TGFB2: variants seen among roughly 807,000 people sequenced by gnomAD.
TGFB2 encodes the protein transforming growth factor beta 2.
A neutral mutation model predicts 42.7 loss-of-function variants in TGFB2; 13 were observed. The ratio of observed to expected loss-of-function variants is 0.30; its 90% CI spans 0.20 to 0.48. TGFB2 has a LOEUF of 0.48. Among genes scored for constraint, TGFB2 ranks in the 20% least tolerant of loss-of-function variants. TGFB2 has a pLI of 0.99. For missense variants in TGFB2, 390 were observed against 517.5 expected (o/e 0.75, Z 2.39); for synonymous variants, 193 against 193.6 (o/e 1.00, Z 0.03).
At chr1:218,440,738 G>A (rs1660125162) in intron 6 of TGFB2, among the ~76,000 whole-genome samples, 1 of 152,218 alleles carries the variant, frequency 6.6e-6, no homozygotes, top group Non-Finnish European at 1.5e-5. Flanking sequence ...AGCAAAGTCT[G>A]TAGAGTTCCT....
intron 1 of TGFB2, among the ~76,000 whole-genome samples, chr1:218,392,290 T>A (rs560666434): frequency 4.1e-4 from 62 of 152,152 alleles, no homozygotes; most frequent in Middle Eastern, 3.4e-3. Flanking sequence ...GAGGCGGAGC[T>A]TGCAGTGAGC....
At chr1:218,397,582 A>T (rs1013315054) in intron 1 of TGFB2, among the ~76,000 whole-genome samples, 1 of 149,810 alleles carries the variant, frequency 6.7e-6, no homozygotes, top group Non-Finnish European at 1.5e-5. Context: ...AAAAAAAAAA[A>T]GTTTAGGTGC....
chr1:218,380,270 C>T (rs895197828), intron 1 of TGFB2, among the ~76,000 whole-genome samples: 8 of 152,126 alleles, frequency 5.3e-5, no homozygotes, highest in Non-Finnish European at 1.2e-4. Context: ...TGAAAATGGC[C>T]TAGGTTTGTG....
intron 1 of TGFB2, among the ~76,000 whole-genome samples, chr1:218,362,750 T>A (rs923929165): frequency 6.6e-6 from 1 of 152,218 alleles, no homozygotes; most frequent in Non-Finnish European, 1.5e-5. Flanking sequence ...ATTTTCCAGA[T>A]GTAATAACTA....
At chr1:218,364,142 T>C (rs1406097393) in intron 1 of TGFB2, among the ~76,000 whole-genome samples, 3 of 152,218 alleles carry the variant, frequency 2.0e-5, no homozygotes, top group African/African-American at 7.2e-5. Flanking sequence ...CGGGGAGTTA[T>C]GCTGCTGATT....
chr1:218,362,944 A>G (rs1158349252), intron 1 of TGFB2, among the ~76,000 whole-genome samples: 1 of 152,242 alleles, frequency 6.6e-6, no homozygotes, highest in Non-Finnish European at 1.5e-5. Flanking sequence ...ATGAAAACCA[A>G]AGTTTTATTC....
Position 218,405,191 on chromosome 1 carries a change from C to T in TGFB2, c.369C>T (p.Tyr123=), listed in dbSNP as rs368157039. 1.0e-5 allele frequency: 16 copies of T among 1,601,668 alleles called. No individual in the cohort carries two copies. The highest frequency in any genetic ancestry group is 1.4e-5 in the Non-Finnish European group (16 of 1,171,046). The change falls in exon 2 of 7, where the codon TAC becomes TAT. Residue 123 remains tyrosine (Y), a synonymous_variant. Coordinates refer to ENST00000366930, the MANE Select transcript of TGFB2 (RefSeq NM_003238.6). ...CAGATGCCATCCCGCCCACTTTCTA[C>T]AGACCCTACTTCAGAATTGTTCGAT... ...PSENAIPPTF[Y]RPYFRIVRFD...
chr1:218,397,862 G>A (rs149195159), intron 1 of TGFB2, among the ~76,000 whole-genome samples: 6 of 152,288 alleles, frequency 3.9e-5, no homozygotes, highest in African/African-American at 1.4e-4. Context: ...GAGTACCTCA[G>A]GCAGGAGGAT....
intron 4 of TGFB2, 76 bp from the exon 5 acceptor site, chr1:218,435,894 A>G (rs1435753833): frequency 6.8e-7 from 1 of 1,464,954 alleles, no homozygotes; most frequent in African/African-American, 1.4e-5. Context: ...GACAATATAC[A>G]AAGGAAAAAA....
In TGFB2 at chr1:218,434,231, T is replaced by C; in HGVS notation, c.643+17T>C. 6.2e-7 allele frequency: 1 copy of C among 1,613,100 alleles called. No homozygotes were observed. Among genetic ancestry groups the C allele is most frequent in the Non-Finnish European group, 8.5e-7 (1 of 1,179,104 alleles). On this transcript the variant is annotated intron_variant, in intron 3 of 6. Coordinates refer to ENST00000366930, the MANE Select transcript of TGFB2 (RefSeq NM_003238.6). ...ACCATAAAGGTTACAAGCCACTCTC[T>C]CTTTTCCTCCCAAGATGTTCAGTAT...
chr1:218,378,778 T>C (rs1416238225), intron 1 of TGFB2, among the ~76,000 whole-genome samples: 2 of 150,682 alleles, frequency 1.3e-5, no homozygotes, highest in East Asian at 3.9e-4. Context: ...GGCCTGTTTT[T>C]TTTTTCTTAT....
chr1:218,431,492 A>G (rs1222699368), intron 2 of TGFB2, among the ~76,000 whole-genome samples: 1 of 152,194 alleles, frequency 6.6e-6, no homozygotes, highest in Non-Finnish European at 1.5e-5. Flanking sequence ...ATATATATAC[A>G]CACATATATA....
chr1:218,384,003 T>G (rs1263161017), intron 1 of TGFB2, among the ~76,000 whole-genome samples: 1 of 152,254 alleles, frequency 6.6e-6, no homozygotes, highest in Non-Finnish European at 1.5e-5. Flanking sequence ...ATTTTGTGGT[T>G]GTTTTAACAG....
At chr1:218,365,912 G>A (rs978027208) in intron 1 of TGFB2, among the ~76,000 whole-genome samples, 3 of 152,154 alleles carry the variant, frequency 2.0e-5, no homozygotes, top group African/African-American at 7.2e-5. Context: ...GGCCTGTGGC[G>A]CCTCTTGCTT....
intron 1 of TGFB2, among the ~76,000 whole-genome samples, chr1:218,371,597 T>C (rs1377976638): frequency 6.6e-6 from 1 of 152,220 alleles, no homozygotes; most frequent in East Asian, 1.9e-4. Context: ...ATGGAGTTTA[T>C]GTATGTCCGG....
At chr1:218,363,883 T>A (rs1332374192) in intron 1 of TGFB2, among the ~76,000 whole-genome samples, 2 of 152,220 alleles carry the variant, frequency 1.3e-5, no homozygotes, top group East Asian at 3.8e-4. Context: ...TTCTCTCCTT[T>A]AAGGTTCTAG....
intron 1 of TGFB2, among the ~76,000 whole-genome samples, chr1:218,387,921 A>C (rs1274948114): frequency 6.6e-6 from 1 of 152,184 alleles, no homozygotes; most frequent in Non-Finnish European, 1.5e-5. Context: ...CATGCCATGA[A>C]GTTCATGTCT....
Position 218,346,550 on chromosome 1 carries a change from G to T in TGFB2, c.-152G>T, listed in dbSNP as rs943664842. 3.7e-5 allele frequency: 23 copies of T among 615,338 alleles called. No individual in the cohort carries two copies. The highest frequency in any genetic ancestry group is 6.2e-5 in the Non-Finnish European group (23 of 369,870). The allele number at this position is 615,338 out of a possible 1,614,324, so 38.1% of individuals were successfully genotyped here. A position where few individuals can be genotyped will look rare whatever the true frequency, so the allele number is the denominator to read the frequency against. ...TCAAGCAGGATACGTTTTTCTGTTGGGCATTGACTAGATTGTTTGCAAAAG... is the reference window on the plus strand; with the variant it reads ...TCAAGCAGGATACGTTTTTCTGTTGTGCATTGACTAGATTGTTTGCAAAAG... On this transcript the variant is annotated 5_prime_UTR_variant, in exon 1 of 7. Coordinates refer to ENST00000366930, the MANE Select transcript of TGFB2 (RefSeq NM_003238.6). The surrounding 1 kb of genome is among the most constrained non-coding windows in gnomAD (Gnocchi z 4.9).
At chr1:218,408,473 C>T (rs913897423) in intron 2 of TGFB2, among the ~76,000 whole-genome samples, 3 of 152,086 alleles carry the variant, frequency 2.0e-5, no homozygotes, top group Non-Finnish European at 4.4e-5. Context: ...TCACTATACA[C>T]GGGCATCTGG....
Sources: allele counts gnomAD v4.1 joint callset (sites outside exome capture counted in the v4.1 genomes callset), GRCh38; gene constraint gnomAD v4.1.1; non-coding constraint Gnocchi (gnomAD v3.1); transcripts MANE v1.5; gene names NCBI Gene and HGNC (gene_info 2026-07-23, HGNC 2026-07-21).